CCDC18: variants seen among roughly 807,000 people sequenced by gnomAD.
The protein encoded by CCDC18 is coiled-coil domain containing 18.
In CCDC18, 157 loss-of-function variants were observed where a neutral mutation model predicts 196.0. The ratio of observed to expected loss-of-function variants is 0.80; its 90% CI spans 0.70 to 0.91. The LOEUF is 0.91. Among genes scored for constraint, CCDC18 ranks in the 40% least tolerant of loss-of-function variants. The probability of loss-of-function intolerance (pLI) is 0.00; values close to 1 mark genes in which losing one functional copy is unlikely to be tolerated. For synonymous variants in CCDC18, 482 were observed against 529.2 expected (o/e 0.91, Z 1.22); for missense variants, 1,465 against 1,611.6 (o/e 0.91, Z 1.56).
At chr1:93,235,466 T>G (rs568005851) in intron 18 of CCDC18, among the ~76,000 whole-genome samples, 2 of 152,278 alleles carry the variant, frequency 1.3e-5, no homozygotes, top group East Asian at 3.9e-4. Flanking sequence ...GTCACTGGTG[T>G]TGTAATCCCT....
At chr1:93,229,041 G>C (rs1345478946) in intron 17 of CCDC18, among the ~76,000 whole-genome samples, 4 of 152,060 alleles carry the variant, frequency 2.6e-5, no homozygotes, top group African/African-American at 4.8e-5. Flanking sequence ...TCCTGCCTCA[G>C]CCTTCCCAGC....
intron 23 of CCDC18, among the ~76,000 whole-genome samples, chr1:93,252,628 A>C (rs952674672): frequency 2.0e-5 from 3 of 151,874 alleles, no homozygotes; most frequent in African/African-American, 7.3e-5. Context: ...TCTGGTGCCT[A>C]ATATTGTTCA....
At chr1:93,222,172 T>TA (rs1255538711) in intron 16 of CCDC18, among the ~76,000 whole-genome samples, 1 of 152,122 alleles carries the variant, frequency 6.6e-6, no homozygotes, top group Non-Finnish European at 1.5e-5. Context: ...GTGGCTTTTT[T>TA]ACTTTTCTCT....
chr1:93,180,518 G>T, upstream of CCDC18: 1 of 1,530,154 alleles, frequency 6.5e-7, no homozygotes, highest in Non-Finnish European at 8.8e-7. Context: ...CCCCCTGACG[G>T]CCTCCGGTTC....
intron 13 of CCDC18, 135 bp downstream of exon 13, chr1:93,216,881 CTT>C: frequency 2.2e-6 from 1 of 460,780 alleles, no homozygotes; most frequent in Non-Finnish European, 3.9e-6. Context: ...CTGATCATTT[CTT>C]GTTTATATTT....
intron 23 of CCDC18, 130 bp downstream of exon 23, chr1:93,247,084 A>G: frequency 2.0e-6 from 1 of 511,124 alleles, no homozygotes; most frequent in Non-Finnish European, 3.6e-6. Flanking sequence ...TTGGAGACAG[A>G]GTCGTTCTCT....
Position 93,214,884 on chromosome 1 carries a change from TG to T in CCDC18, c.1639del (p.Ala547LeufsTer9). ...EAENSDLKVN[M>X]AHRTSQFQLI... ...GAAAATTCTGATTTGAAGGTTAACA[TG>T]GCTCACAGAACTAGTCAGTTTCAGC... On this transcript the variant is annotated frameshift_variant, in exon 12 of 29. Coordinates refer to ENST00000690025, the MANE Select transcript of CCDC18 (RefSeq NM_001378204.1). LOFTEE classifies it high-confidence loss of function. 3.1e-6 allele frequency: 5 copies of T among 1,613,566 alleles called. No individual in the cohort carries two copies. The highest frequency in any genetic ancestry group is 4.2e-6 in the Non-Finnish European group (5 of 1,179,708).
At chr1:93,217,692 G>T in intron 13 of CCDC18, 46 bp from the exon 14 acceptor site, 1 of 1,520,248 alleles carries the variant, frequency 6.6e-7, no homozygotes, top group South Asian at 1.3e-5. Flanking sequence ...GCCTGCCTTG[G>T]CCTCCCAAAT....
chr1:93,256,238 T>G, intron 24 of CCDC18, 97 bp from the exon 25 acceptor site: 1 of 999,424 alleles, frequency 1.0e-6, no homozygotes, highest in Non-Finnish European at 1.5e-6. Context: ...AGGATTTAGT[T>G]GGAAGGTGGA....
chr1:93,246,057 A>C, intron 21 of CCDC18, 48 bp from the exon 22 acceptor site: 1 of 1,311,340 alleles, frequency 7.6e-7, no homozygotes, highest in Non-Finnish European at 1.0e-6. Context: ...TTTTAAAATT[A>C]TACTCTTCTA....
intron 17 of CCDC18, 48 bp from the exon 18 acceptor site, chr1:93,232,378 A>G (rs555026765): frequency 1.3e-5 from 15 of 1,170,218 alleles, no homozygotes; most frequent in Non-Finnish European, 1.8e-5. Flanking sequence ...ATTGCCATTT[A>G]TTTGAAACAT....
intron 17 of CCDC18, among the ~76,000 whole-genome samples, chr1:93,228,544 A>G (rs914761419): frequency 2.0e-5 from 3 of 151,824 alleles, no homozygotes; most frequent in African/African-American, 7.3e-5. Flanking sequence ...TAATACGGTC[A>G]TGTCTTCTTC....
At chr1:93,221,113 T>C (rs991141473) in intron 14 of CCDC18, among the ~76,000 whole-genome samples, 3 of 152,212 alleles carry the variant, frequency 2.0e-5, no homozygotes, top group African/African-American at 7.2e-5. Context: ...ATTTTTATAA[T>C]AGAATGACTT....
chr1:93,193,556 T>C, intron 5 of CCDC18, 60 bp from the exon 6 acceptor site: 1 of 1,106,358 alleles, frequency 9.0e-7, no homozygotes, highest in Non-Finnish European at 1.3e-6. Context: ...ATTAAATTAT[T>C]CTTGCATACC....
chr1:93,244,164 T>C (rs1046041643), intron 21 of CCDC18, among the ~76,000 whole-genome samples: 2 of 152,226 alleles, frequency 1.3e-5, no homozygotes, highest in South Asian at 2.1e-4. Context: ...CACATCTCAC[T>C]GGTAGCAGAC....
intron 25 of CCDC18, 92 bp from the exon 26 acceptor site, chr1:93,258,656 T>A (rs1663355047): frequency 2.9e-6 from 3 of 1,019,838 alleles, no homozygotes; most frequent in Non-Finnish European, 4.0e-6. Flanking sequence ...ATATAAAAAA[T>A]TAAACTACTT....
At chr1:93,221,801 T>C (rs774393979) in intron 15 of CCDC18, 58 bp downstream of exon 15, 1 of 1,591,224 alleles carries the variant, frequency 6.3e-7, no homozygotes, top group Non-Finnish European at 8.5e-7. Flanking sequence ...TATGTCTCTA[T>C]AACTTGCCTT....
rs1557588439 is a variant in CCDC18 at position 93,181,233 on chromosome 1, A to G, written c.-3+381A>G. On this transcript the variant is annotated intron_variant, in intron 1 of 28. Transcript: ENST00000690025. ...GCCCCCGCTTCTTTCAGACGGATGT[A>G]AGATTAGCTGTGTCAAGCGATCTTG... Among the ~76,000 whole-genome samples the G allele has an allele frequency of 2.7e-5, 3 of 112,208 alleles. No homozygotes were observed. The Admixed American group carries it at 4.0e-4, about 15-fold the overall frequency. 73.6% of individuals were successfully genotyped at this position (112,208 alleles called of 152,430 possible).
At chr1:93,247,130 A>G (rs931780135) in intron 23 of CCDC18, among the ~76,000 whole-genome samples, 176 bp downstream of exon 23, 4 of 151,892 alleles carry the variant, frequency 2.6e-5, no homozygotes, top group Non-Finnish European at 5.9e-5. Context: ...ACGTGATCAT[A>G]CCTCACTGCA....
Sources: gnomAD v4.1 joint callset for allele counts (sites outside exome capture counted in the v4.1 genomes callset) on GRCh38, gnomAD v4.1.1 for gene constraint, MANE v1.5 for transcripts, NCBI Gene and HGNC (gene_info 2026-07-23, HGNC 2026-07-21) for gene names.